NOX4: variants seen among roughly 807,000 people sequenced by gnomAD.
NOX4 encodes the protein NADPH oxidase 4.
In NOX4, 69 loss-of-function variants were observed where a neutral mutation model predicts 87.6. The ratio of observed to expected loss-of-function variants is 0.79; its 90% CI spans 0.65 to 0.96. The LOEUF (loss-of-function observed/expected upper bound fraction) is 0.96. Ranked by LOEUF, NOX4 falls within the 40% of genes least tolerant of loss-of-function variation. The probability of loss-of-function intolerance (pLI) is 0.00; values close to 1 mark genes in which losing one functional copy is unlikely to be tolerated. For missense variants in NOX4, 680 were observed against 681.5 expected (o/e 1.00, Z 0.02); for synonymous variants, 275 against 238.2 (o/e 1.15, Z -1.42).
rs376902576 is a variant in NOX4, at chr11:89,481,263, ATG to A, written c.153+9193_153+9194del. Among the ~76,000 whole-genome samples, 89 of 151,894 alleles carry A rather than the reference ATG, an allele frequency of 5.9e-4. 1 individual carries two copies. The South Asian group carries it at 0.018, about 30-fold the overall frequency. On this transcript the variant is annotated intron_variant, in intron 2 of 17. Coordinates refer to ENST00000263317, the MANE Select transcript of NOX4 (RefSeq NM_016931.5). ...TTTAACATATATATGTTATATATAT[ATG>A]TGTGTGTGTATATATATATACACAA...
chr11:89,465,065 G>A (rs1433654978), intron 2 of NOX4, among the ~76,000 whole-genome samples: 1 of 152,080 alleles, frequency 6.6e-6, no homozygotes. Flanking sequence ...AGGTATACAC[G>A]TACCATGGTG....
chr11:89,550,606 G>C, the NOX4 span, among the ~76,000 whole-genome samples: 1 of 152,250 alleles, frequency 6.6e-6, no homozygotes, highest in East Asian at 1.9e-4. Context: ...TTTGAGAAGT[G>C]TGTGTTCATA....
At chr11:89,425,618 A>G (rs1215769861) in intron 7 of NOX4, among the ~76,000 whole-genome samples, 1 of 152,024 alleles carries the variant, frequency 6.6e-6, no homozygotes, top group Non-Finnish European at 1.5e-5. Flanking sequence ...CTATTTTGGT[A>G]AAATACATAT....
the NOX4 span, among the ~76,000 whole-genome samples, chr11:89,522,263 A>C: frequency 6.6e-6 from 1 of 152,208 alleles, no homozygotes; most frequent in Non-Finnish European, 1.5e-5. Flanking sequence ...TAGCAAAGAC[A>C]TGGAATCAAT....
chr11:89,423,493 G>A (rs921984459), intron 7 of NOX4, among the ~76,000 whole-genome samples: 13 of 152,112 alleles, frequency 8.5e-5, no homozygotes, highest in Admixed American at 2.0e-4. Context: ...TATATTGCAA[G>A]GTCATTTACA....
the NOX4 span, among the ~76,000 whole-genome samples, chr11:89,518,634 C>T: frequency 6.6e-6 from 1 of 151,938 alleles, no homozygotes; most frequent in Admixed American, 6.6e-5. Context: ...CGTCCTCCTC[C>T]CTTAAGGAAA....
the NOX4 span, among the ~76,000 whole-genome samples, chr11:89,572,978 AT>A: frequency 6.6e-6 from 1 of 151,926 alleles, no homozygotes; most frequent in African/African-American, 2.4e-5. Flanking sequence ...TTTCCCCCAA[AT>A]TAACTCAGCA....
At chr11:89,446,451 T>C in intron 4 of NOX4, among the ~76,000 whole-genome samples, 1 of 151,892 alleles carries the variant, frequency 6.6e-6, no homozygotes, top group South Asian at 2.1e-4. Context: ...TGTCGAAATC[T>C]GGAAGCAACC....
chr11:89,536,783 T>G, the NOX4 span, among the ~76,000 whole-genome samples: 2 of 152,294 alleles, frequency 1.3e-5, no homozygotes, highest in African/African-American at 2.4e-5. Flanking sequence ...AGGTGAACAT[T>G]ACCATTCCCA....
At chr11:89,405,790 C>T (rs751504435) in intron 8 of NOX4, among the ~76,000 whole-genome samples, 1 of 151,158 alleles carries the variant, frequency 6.6e-6, no homozygotes, top group African/African-American at 2.4e-5. Context: ...AGATTAGTGG[C>T]CTTAGATTGG....
the NOX4 span, among the ~76,000 whole-genome samples, chr11:89,557,826 A>C: frequency 6.6e-6 from 1 of 152,110 alleles, no homozygotes; most frequent in African/African-American, 2.4e-5. Context: ...TTATCTATTC[A>C]GGGTCTGAAA....
intron 11 of NOX4, among the ~76,000 whole-genome samples, chr11:89,389,808 T>A (rs933895467): frequency 6.6e-6 from 1 of 152,106 alleles, no homozygotes; most frequent in African/African-American, 2.4e-5. Flanking sequence ...GACAGGTCTG[T>A]GTTTGTATCT....
chr11:89,545,104 G>A, the NOX4 span: 1 of 152,092 alleles, frequency 6.6e-6, no homozygotes, highest in Non-Finnish European at 1.5e-5. Flanking sequence ...AACCAAAATA[G>A]CTTTCATTTT....
chr11:89,507,929 A>C, the NOX4 span, among the ~76,000 whole-genome samples: 24 of 152,000 alleles, frequency 1.6e-4, no homozygotes, highest in African/African-American at 5.3e-4. Context: ...AGGAATTAAA[A>C]TCCAAATAGC....
chr11:89,564,935 C>T, the NOX4 span, among the ~76,000 whole-genome samples: 4 of 152,188 alleles, frequency 2.6e-5, no homozygotes, highest in Admixed American at 2.6e-4. Flanking sequence ...TATCCTGTAA[C>T]TTGGCTCAGT....
At chr11:89,426,508 T>C (rs1032811800) in intron 7 of NOX4, among the ~76,000 whole-genome samples, 1 of 151,958 alleles carries the variant, frequency 6.6e-6, no homozygotes, top group African/African-American at 2.4e-5. Flanking sequence ...CCTGGAAAAT[T>C]GGGTCACTCC....
upstream of NOX4, among the ~76,000 whole-genome samples, chr11:89,494,468 A>C (rs968603960): frequency 2.6e-5 from 4 of 152,192 alleles, no homozygotes; most frequent in Non-Finnish European, 5.9e-5. Flanking sequence ...TGTGTGTCTA[A>C]TTCTCCTACT....
chr11:89,555,322 A>C, the NOX4 span, among the ~76,000 whole-genome samples: 1 of 152,192 alleles, frequency 6.6e-6, no homozygotes, highest in African/African-American at 2.4e-5. Flanking sequence ...TCATCTCCAC[A>C]CACACACACA....
intron 2 of NOX4, among the ~76,000 whole-genome samples, chr11:89,465,968 C>T (rs1306902432): frequency 6.6e-6 from 1 of 152,142 alleles, no homozygotes; most frequent in African/African-American, 2.4e-5. Flanking sequence ...TAAAGAACTT[C>T]TGCACAGCAA....
Sources: gnomAD v4.1 joint callset for allele counts (sites outside exome capture counted in the v4.1 genomes callset) on GRCh38, gnomAD v4.1.1 for gene constraint, MANE v1.5 for transcripts, NCBI Gene and HGNC (gene_info 2026-07-23, HGNC 2026-07-21) for gene names.